The following PTPRA variants were observed in gnomAD, a reference collection of about 807,000 sequenced individuals.
The protein encoded by PTPRA is protein tyrosine phosphatase receptor type A.
Under a neutral mutation model 104.8 loss-of-function variants are expected in PTPRA, and 25 were observed. The ratio of observed to expected loss-of-function variants is 0.24; its 90% CI spans 0.17 to 0.33. The LOEUF is 0.33. Ranked by LOEUF, PTPRA falls within the 10% of genes least tolerant of loss-of-function variation. PTPRA has a pLI of 1.00. For synonymous variants in PTPRA, 323 were observed against 368.9 expected, an observed-to-expected ratio of 0.88 and a Z score of 1.43; for missense variants, 765 against 1,015.3, an observed-to-expected ratio of 0.75 and a Z score of 3.35.
At chr20:2,868,618 CTTTTTTTTTTTTTTTTT>C (rs56081198), upstream of PTPRA, among the ~76,000 whole-genome samples, 78 of 45,222 alleles carry the variant, frequency 1.7e-3, no homozygotes, top group African/African-American at 5.8e-3. Flanking sequence ...TCATTCTGGG[CTTTTTTTTTTTTTTTTT>C]TTTTTTTTTT....
Position 3,022,664 on chromosome 20 carries a change from A to G in PTPRA, c.1329-25A>G, listed in dbSNP as rs746762958. The G allele has an allele frequency of 1.9e-6, 3 of 1,613,902 alleles. No homozygotes were observed. The highest frequency in any genetic ancestry group is 3.3e-5 in the Admixed American group (2 of 60,002). On this transcript the variant is annotated intron_variant, in intron 15 of 23. Coordinates refer to ENST00000399903, the MANE Select transcript of PTPRA (RefSeq NM_001385305.1). The surrounding 1 kb of genome is among the most constrained non-coding windows in gnomAD (Gnocchi z 4.6). ...CCCACAAGGCAGGCTGGCCATCCCTATAACCCCCTGCTCTCTGGCTACAGT... is the reference window on the plus strand; with the variant it reads ...CCCACAAGGCAGGCTGGCCATCCCTGTAACCCCCTGCTCTCTGGCTACAGT...
intron 1 of PTPRA, among the ~76,000 whole-genome samples, chr20:2,907,407 A>G (rs906433656): frequency 6.6e-6 from 1 of 152,220 alleles, no homozygotes; most frequent in Non-Finnish European, 1.5e-5. Context: ...GTTTCTGACA[A>G]TGGTTAAGCC....
chr20:2,956,355 C>T (rs2061535151), intron 3 of PTPRA, among the ~76,000 whole-genome samples: 1 of 152,204 alleles, frequency 6.6e-6, no homozygotes, highest in Non-Finnish European at 1.5e-5. Flanking sequence ...GATATGATCG[C>T]TGCCTCCTCG....
chr20:3,036,948 G>A (rs2065828521), intron 22 of PTPRA, among the ~76,000 whole-genome samples: 1 of 152,174 alleles, frequency 6.6e-6, no homozygotes, highest in African/African-American at 2.4e-5. Flanking sequence ...TCCAACAGGT[G>A]AGTCCCTCCA....
chr20:3,002,216 C>A (rs1358956219), intron 9 of PTPRA, among the ~76,000 whole-genome samples: 1 of 151,974 alleles, frequency 6.6e-6, no homozygotes, highest in Non-Finnish European at 1.5e-5. Flanking sequence ...TTCCTTTATT[C>A]AGTCTTTTTT....
intron 13 of PTPRA, among the ~76,000 whole-genome samples, chr20:3,018,709 C>T (rs1050499534): frequency 6.6e-6 from 1 of 151,418 alleles, no homozygotes; most frequent in Non-Finnish European, 1.5e-5. Context: ...CCGCCATTGT[C>T]ATCATGGCCC....
At chr20:2,969,262 T>C (rs75211088) in intron 5 of PTPRA, among the ~76,000 whole-genome samples, 1 of 151,412 alleles carries the variant, frequency 6.6e-6, no homozygotes, top group African/African-American at 2.4e-5. Context: ...CTTTTTTTTT[T>C]TCTTTGAGAC....
At chr20:2,908,351 A>G (rs914539757) in intron 1 of PTPRA, among the ~76,000 whole-genome samples, 1 of 152,190 alleles carries the variant, frequency 6.6e-6, no homozygotes, top group African/African-American at 2.4e-5. Context: ...AATAAATACA[A>G]TCAGCAGTTT....
intron 1 of PTPRA, among the ~76,000 whole-genome samples, chr20:2,881,781 A>G (rs1251860384): frequency 6.6e-6 from 1 of 152,220 alleles, no homozygotes; most frequent in Non-Finnish European, 1.5e-5. Flanking sequence ...TGGACGGATC[A>G]CTTGAGGTCA....
At position 3,022,801 on chromosome 20, in the gene PTPRA, C is replaced by T. The variant is rs1191821659; in HGVS notation, c.1441C>T (p.Arg481Cys). 3 of 1,614,024 alleles carry T rather than the reference C, an allele frequency of 1.9e-6. No individual in the cohort carries two copies. Among genetic ancestry groups the T allele is most frequent in the African/African-American group, 1.3e-5 (1 of 74,904 alleles). Residue 481 changes from arginine (R) to cysteine (C), a missense_variant, in exon 16 of 24, where the codon CGC becomes TGC. Transcript: ENST00000399903. The surrounding 1 kb of genome is among the most constrained non-coding windows in gnomAD (Gnocchi z 4.6). ...YGFVSRIRAQRCQMVQTDMQY... is the reference protein window; with the variant it reads ...YGFVSRIRAQCCQMVQTDMQY... ...CTTTGTGAGCCGGATCCGGGCACAG[C>T]GCTGCCAGATGGTGCAAACCGATGT...
At chr20:2,895,467 C>T (rs2058962369) in intron 1 of PTPRA, among the ~76,000 whole-genome samples, 1 of 152,060 alleles carries the variant, frequency 6.6e-6, no homozygotes, top group Non-Finnish European at 1.5e-5. Context: ...GATTGATTTT[C>T]CTCATTTTAA....
chr20:3,035,463 G>T lies in PTPRA; in HGVS notation c.1921-122G>T. The T allele has an allele frequency of 1.7e-6, 2 of 1,160,456 alleles. No homozygotes were observed. Among genetic ancestry groups the T allele is most frequent in the Non-Finnish European group, 1.2e-6 (1 of 821,720 alleles). 71.9% of individuals were successfully genotyped at this position (1,160,456 alleles called of 1,614,324 possible). On this transcript the variant is annotated intron_variant, in intron 20 of 23. Coordinates refer to ENST00000399903, the MANE Select transcript of PTPRA (RefSeq NM_001385305.1). This position sits in a 1 kb window ranked among gnomAD's most constrained non-coding sequence, Gnocchi z 5.8. ...TGATCCTGCAAGTTTTCAATACCTT[G>T]GGGACGAAGCGTATCAGCGTAAGAG...
intron 6 of PTPRA, among the ~76,000 whole-genome samples, chr20:2,976,815 T>A (rs1232907816): frequency 8.5e-5 from 13 of 152,250 alleles, no homozygotes. Context: ...TTATGTCTTA[T>A]GCAGATGAAT....
intron 1 of PTPRA, among the ~76,000 whole-genome samples, chr20:2,905,690 C>CTTTTTTTTTT (rs11479039): frequency 7.6e-4 from 54 of 70,622 alleles, no homozygotes; most frequent in Non-Finnish European, 1.3e-3. Flanking sequence ...TCATAAAATT[C>CTTTTTTTTTT]TTTTTTTTTT....
At chr20:2,944,715 A>G (rs779895638) in intron 2 of PTPRA, among the ~76,000 whole-genome samples, 9 of 152,234 alleles carry the variant, frequency 5.9e-5, no homozygotes, top group Non-Finnish European at 1.0e-4. Context: ...TTACGTAGCC[A>G]TCTTTGCAAA....
chr20:3,023,192 C>T (rs1387828220), intron 16 of PTPRA, among the ~76,000 whole-genome samples: 1 of 152,166 alleles, frequency 6.6e-6, no homozygotes, highest in Non-Finnish European at 1.5e-5. Context: ...TAAAAGTCAT[C>T]GCCGTTCTCC....
chr20:3,032,580 A>T (rs1334423884), intron 20 of PTPRA, among the ~76,000 whole-genome samples: 1 of 151,840 alleles, frequency 6.6e-6, no homozygotes, highest in Non-Finnish European at 1.5e-5. Flanking sequence ...AGCCTGGCCA[A>T]CATGGCAAAA....
Position 3,027,680 on chromosome 20 carries a change from C to T in PTPRA, c.1786-27C>T, listed in dbSNP as rs372823585. The T allele has an allele frequency of 2.6e-5, 42 of 1,610,702 alleles. No individual in the cohort carries two copies. In the African/African-American group the frequency reaches 4.8e-4, roughly 18 times the overall value. ...GTCCCTCTGTGATTAAACCATCTCA[C>T]CCTTGCAATTAACCTGGCCTGTGCA... On this transcript the variant is annotated intron_variant, in intron 19 of 23. Transcript: ENST00000399903.
the PTPRA span, chr20:2,865,369 G>T: frequency 6.2e-7 from 1 of 1,613,992 alleles, no homozygotes; most frequent in South Asian, 1.1e-5. The surrounding 1 kb of genome is among the most constrained non-coding windows in gnomAD (Gnocchi z 5.2). Context: ...TGCCTCTCCT[G>T]CAACACCTCC....
Sources: gnomAD v4.1 joint callset for allele counts (sites outside exome capture counted in the v4.1 genomes callset) on GRCh38, gnomAD v4.1.1 for gene constraint, Gnocchi (gnomAD v3.1) non-coding constraint, MANE v1.5 for transcripts, NCBI Gene and HGNC (gene_info 2026-07-23, HGNC 2026-07-21) for gene names.